AKAP19: variants seen among roughly 807,000 people sequenced by gnomAD.
AKAP19 encodes A-kinase anchoring protein 19, also known as small A-kinase anchoring protein.
the AKAP19 span, among the ~76,000 whole-genome samples, chr2:189,992,427 C>G: frequency 1.3e-5 from 2 of 152,052 alleles, no homozygotes; most frequent in African/African-American, 2.4e-5. Flanking sequence ...GTAACTGTAG[C>G]CTTGTAATAT....
the AKAP19 span, among the ~76,000 whole-genome samples, chr2:190,179,671 T>C: frequency 2.6e-5 from 4 of 152,198 alleles, no homozygotes; most frequent in South Asian, 6.2e-4. The surrounding 1 kb of genome is among the most constrained non-coding windows in gnomAD (Gnocchi z 6.0). Context: ...TTCTGCAATC[T>C]AGGTTTATTT....
At chr2:190,045,427 G>A in the AKAP19 span, among the ~76,000 whole-genome samples, 10 of 152,216 alleles carry the variant, frequency 6.6e-5, no homozygotes, top group Non-Finnish European at 1.0e-4. Context: ...GTTGAGGCAC[G>A]GCTGAAGGCC....
the AKAP19 span, among the ~76,000 whole-genome samples, chr2:190,033,959 G>A: frequency 1.3e-5 from 2 of 152,126 alleles, no homozygotes; most frequent in African/African-American, 4.8e-5. Flanking sequence ...TAGCAGTCAT[G>A]TTGTGCTGGT....
the AKAP19 span, among the ~76,000 whole-genome samples, chr2:190,106,802 T>C: frequency 1.3e-5 from 2 of 152,332 alleles, no homozygotes; most frequent in Non-Finnish European, 2.9e-5. Flanking sequence ...TACTACTACT[T>C]CACTATAATG....
At chr2:190,090,608 C>T in the AKAP19 span, among the ~76,000 whole-genome samples, 2 of 152,178 alleles carry the variant, frequency 1.3e-5, no homozygotes, top group African/African-American at 2.4e-5. Flanking sequence ...AAGTTAGCTG[C>T]CATAGCTAAC....
At chr2:190,180,470 G>C in the AKAP19 span, 1 of 985,440 alleles carries the variant, frequency 1.0e-6, no homozygotes, top group Admixed American at 6.1e-5. This position sits in a 1 kb window ranked among gnomAD's most constrained non-coding sequence, Gnocchi z 6.8. Context: ...GAAATGCCTC[G>C]CTGGCTCTTA....
chr2:190,120,308 A>AT, the AKAP19 span, among the ~76,000 whole-genome samples: 1 of 152,142 alleles, frequency 6.6e-6, no homozygotes, highest in African/African-American at 2.4e-5. Flanking sequence ...CACTGCCCTA[A>AT]TTTTTTATGG....
At chr2:190,202,070 G>C in the AKAP19 span, 1 of 167,122 alleles carries the variant, frequency 6.0e-6, no homozygotes, top group Admixed American at 6.5e-5. Flanking sequence ...GGACAGACAA[G>C]TGAGTTTTGG....
At chr2:190,116,109 A>G in the AKAP19 span, among the ~76,000 whole-genome samples, 1 of 152,216 alleles carries the variant, frequency 6.6e-6, no homozygotes, top group African/African-American at 2.4e-5. Flanking sequence ...ACTGATTCTG[A>G]TTGTACCTCC....
chr2:190,093,666 T>C, the AKAP19 span, among the ~76,000 whole-genome samples: 1 of 152,190 alleles, frequency 6.6e-6, no homozygotes, highest in Non-Finnish European at 1.5e-5. Flanking sequence ...CATAATTTCA[T>C]TTCATTTTGG....
the AKAP19 span, among the ~76,000 whole-genome samples, chr2:190,004,691 CCCTCCCGA>C: frequency 2.0e-5 from 3 of 151,840 alleles, no homozygotes; most frequent in African/African-American, 7.3e-5. Context: ...CGGAACCTTG[CCCTCCCGA>C]CCTCCCTTGC....
the AKAP19 span, among the ~76,000 whole-genome samples, chr2:190,006,947 G>A: frequency 2.0e-5 from 3 of 152,008 alleles, no homozygotes; most frequent in African/African-American, 7.3e-5. Context: ...TTGAACTGGT[G>A]GGGCAGAGGT....
the AKAP19 span, among the ~76,000 whole-genome samples, chr2:190,027,702 G>T: frequency 6.6e-6 from 1 of 152,112 alleles, no homozygotes; most frequent in Admixed American, 6.6e-5. Flanking sequence ...TTTATAATTA[G>T]GAACAGTTAT....
the AKAP19 span, among the ~76,000 whole-genome samples, chr2:189,981,516 T>A: frequency 2.0e-5 from 3 of 152,196 alleles, no homozygotes; most frequent in African/African-American, 4.8e-5. Flanking sequence ...AGGTTAATAT[T>A]TACATGTGAG....
chr2:190,181,669 C>T, the AKAP19 span, among the ~76,000 whole-genome samples: 1 of 152,110 alleles, frequency 6.6e-6, no homozygotes, highest in African/African-American at 2.4e-5. Flanking sequence ...CAGCCCTTCC[C>T]CTATCCTTTA....
At chr2:189,881,586 A>G in the AKAP19 span, among the ~76,000 whole-genome samples, 16 of 152,200 alleles carry the variant, frequency 1.1e-4, no homozygotes, top group African/African-American at 3.9e-4. Context: ...TATGTATGTA[A>G]GTAGGTTGCT....
At chr2:190,125,290 C>T in the AKAP19 span, among the ~76,000 whole-genome samples, 1 of 150,788 alleles carries the variant, frequency 6.6e-6, no homozygotes, top group Non-Finnish European at 1.5e-5. Flanking sequence ...ATATGGGACC[C>T]TCATATACAC....
chr2:190,125,996 A>C, the AKAP19 span, among the ~76,000 whole-genome samples: 4 of 152,080 alleles, frequency 2.6e-5, no homozygotes, highest in Admixed American at 2.6e-4. Context: ...GTAATGTATT[A>C]AAAATGAGAG....
chr2:189,894,677 CATT>C, the AKAP19 span, among the ~76,000 whole-genome samples: 493 of 150,810 alleles, frequency 3.3e-3, 3 homozygotes, highest in African/African-American at 0.012. Context: ...TTTGTTACTA[CATT>C]ATTATATAGT....
Sources: gnomAD v4.1 joint callset for allele counts (sites outside exome capture counted in the v4.1 genomes callset) on GRCh38, gnomAD v4.1.1 for gene constraint, Gnocchi (gnomAD v3.1) non-coding constraint, MANE v1.5 for transcripts, NCBI Gene and HGNC (gene_info 2026-07-23, HGNC 2026-07-21) for gene names.